The following KCNU1 variants were observed in gnomAD, a reference collection of about 807,000 sequenced individuals.
KCNU1 encodes potassium calcium-activated channel subfamily U member 1.
A neutral mutation model predicts 126.8 loss-of-function variants in KCNU1; 93 were observed. The ratio of observed to expected loss-of-function variants is 0.73; its 90% CI spans 0.62 to 0.87. KCNU1 has a LOEUF of 0.87. Ranked by LOEUF, KCNU1 falls within the 40% of genes least tolerant of loss-of-function variation. The probability of loss-of-function intolerance (pLI) is 0.00; values close to 1 mark genes in which losing one functional copy is unlikely to be tolerated. For missense variants in KCNU1, 1,330 were observed against 1,367.1 expected (o/e 0.97, Z 0.43); for synonymous variants, 523 against 494.2 (o/e 1.06, Z -0.77).
Position 36,836,824 on chromosome 8 carries a change from G to A in KCNU1, c.1397G>A (p.Trp466Ter). The change falls in exon 14 of 27, where the codon TGG (tryptophan) becomes TAG (stop). Residue 466 changes from tryptophan (W) to a stop codon, truncating the protein, a stop_gained. Coordinates refer to ENST00000399881, the MANE Select transcript of KCNU1 (RefSeq NM_001031836.3). LOFTEE classifies it high-confidence loss of function. Reference protein sequence around the residue: ...VYLPKIPSWNWDTGDNIICFA... With the variant: ...VYLPKIPSWN ...CTGCCAAAGATTCCCAGCTGGAACT[G>A]GGACACCGGAGACAACATCATCTGC... The A allele has an allele frequency of 6.2e-7, 1 of 1,613,756 alleles. No individual in the cohort carries two copies.
At chr8:36,935,455 G>T (rs1006517390) in intron 26 of KCNU1, 60 bp from the exon 27 acceptor site, 34 of 1,383,178 alleles carry the variant, frequency 2.5e-5, no homozygotes, top group Non-Finnish European at 2.9e-5. Context: ...TTGGGTCACT[G>T]CCTGTTGCCA....
intron 20 of KCNU1, among the ~76,000 whole-genome samples, chr8:36,907,680 A>G (rs761935573): frequency 2.6e-5 from 4 of 152,174 alleles, no homozygotes; most frequent in Non-Finnish European, 4.4e-5. Flanking sequence ...TTACTTATTT[A>G]TCCTGTTAGA....
At chr8:36,895,279 A>G (rs1034047233) in intron 19 of KCNU1, among the ~76,000 whole-genome samples, 1 of 151,978 alleles carries the variant, frequency 6.6e-6, no homozygotes, top group African/African-American at 2.4e-5. Flanking sequence ...GGGTTTCACC[A>G]TGTTGTCCAG....
chr8:36,827,872 A>G (rs559344567), intron 10 of KCNU1, among the ~76,000 whole-genome samples: 1 of 152,236 alleles, frequency 6.6e-6, no homozygotes, highest in East Asian at 1.9e-4. Context: ...CCATTGTACC[A>G]TTGTAGAGAC....
At chr8:36,882,393 A>C (rs1052132903) in intron 19 of KCNU1, among the ~76,000 whole-genome samples, 33 of 152,196 alleles carry the variant, frequency 2.2e-4, no homozygotes, top group Admixed American at 7.2e-4. Flanking sequence ...AATTTCAGAT[A>C]GTTGAGTTTA....
intron 19 of KCNU1, among the ~76,000 whole-genome samples, chr8:36,884,833 T>A (rs1347987015): frequency 1.3e-5 from 2 of 152,074 alleles, no homozygotes; most frequent in Non-Finnish European, 2.9e-5. Flanking sequence ...AGAAGCAGTC[T>A]TAGTGAATAA....
intron 19 of KCNU1, among the ~76,000 whole-genome samples, chr8:36,870,493 G>A (rs1466527510): frequency 1.3e-5 from 2 of 152,074 alleles, no homozygotes; most frequent in Non-Finnish European, 2.9e-5. Flanking sequence ...TCAGGCAAGA[G>A]AATCCCCATC....
intron 19 of KCNU1, among the ~76,000 whole-genome samples, chr8:36,889,458 G>A (rs145677826): frequency 3.4e-4 from 51 of 152,004 alleles, no homozygotes; most frequent in African/African-American, 1.1e-3. Context: ...TGGTGTGGAG[G>A]CATCACTTTT....
intron 19 of KCNU1, among the ~76,000 whole-genome samples, chr8:36,886,452 T>G (rs925913790): frequency 6.6e-6 from 1 of 152,172 alleles, no homozygotes; most frequent in East Asian, 1.9e-4. Flanking sequence ...GGTTACAGCC[T>G]GTAAGGTGGC....
At chr8:36,881,645 G>C (rs1806483108) in intron 19 of KCNU1, among the ~76,000 whole-genome samples, 1 of 152,134 alleles carries the variant, frequency 6.6e-6, no homozygotes, top group African/African-American at 2.4e-5. Flanking sequence ...TAGAGGAACA[G>C]AAAATAGACA....
chr8:36,803,853 T>G (rs1803399947), intron 2 of KCNU1, among the ~76,000 whole-genome samples, 174 bp from the exon 3 acceptor site: 1 of 152,094 alleles, frequency 6.6e-6, no homozygotes, highest in Non-Finnish European at 1.5e-5. Flanking sequence ...TCCAATCAAG[T>G]TGGACCTTGA....
intron 2 of KCNU1, among the ~76,000 whole-genome samples, chr8:36,796,758 T>G (rs890403407): frequency 6.6e-6 from 1 of 152,220 alleles, no homozygotes; most frequent in African/African-American, 2.4e-5. Context: ...TCTTTCTTTC[T>G]TATTTCTTCT....
chr8:36,893,187 T>A (rs955218908), intron 19 of KCNU1, among the ~76,000 whole-genome samples: 1 of 151,716 alleles, frequency 6.6e-6, no homozygotes, highest in Non-Finnish European at 1.5e-5. Flanking sequence ...TTGCCCAGGT[T>A]AGTCTTGAAC....
chr8:36,844,272 C>T (rs974226779), intron 16 of KCNU1, among the ~76,000 whole-genome samples: 7 of 151,700 alleles, frequency 4.6e-5, no homozygotes, highest in Non-Finnish European at 8.8e-5. Flanking sequence ...CCCAGCTACT[C>T]GGGAGGCTGA....
At chr8:36,794,604 C>G (rs1213720921) in intron 2 of KCNU1, among the ~76,000 whole-genome samples, 1 of 151,966 alleles carries the variant, frequency 6.6e-6, no homozygotes, top group East Asian at 1.9e-4. Context: ...TTTCTGGTAC[C>G]CAGACTGCTT....
In KCNU1 at chr8:36,866,138, C is replaced by T. The variant is rs116897083; in HGVS notation, c.2009+1617C>T. Among the ~76,000 whole-genome samples, 450 of 152,214 alleles carry T rather than the reference C, an allele frequency of 3.0e-3. 3 individuals are homozygous for T. The highest frequency in any genetic ancestry group is 0.027 in the East Asian group (141 of 5,180). ...GCTTATTATTGCAATGATCAATTCT[C>T]ATAGCGAGGAAGGTATTTAGAATTG... On this transcript the variant is annotated intron_variant, in intron 19 of 26. Coordinates refer to ENST00000399881, the MANE Select transcript of KCNU1 (RefSeq NM_001031836.3).
intron 19 of KCNU1, among the ~76,000 whole-genome samples, chr8:36,874,961 C>T (rs1449328739): frequency 6.6e-6 from 1 of 151,988 alleles, no homozygotes; most frequent in Non-Finnish European, 1.5e-5. Flanking sequence ...GGGTTCTAAG[C>T]CCACTTCCAA....
intron 19 of KCNU1, among the ~76,000 whole-genome samples, chr8:36,895,798 T>C (rs1365264932): frequency 1.3e-5 from 2 of 152,132 alleles, no homozygotes; most frequent in East Asian, 3.9e-4. Flanking sequence ...CTGAGAAGTT[T>C]CTACCTAAAC....
chr8:36,881,414 G>A (rs982544355), intron 19 of KCNU1, among the ~76,000 whole-genome samples: 1 of 152,010 alleles, frequency 6.6e-6, no homozygotes, highest in Non-Finnish European at 1.5e-5. Context: ...GGTAGGGATA[G>A]GGTCTCACTC....
Sources: gnomAD v4.1 joint callset for allele counts (sites outside exome capture counted in the v4.1 genomes callset) on GRCh38, gnomAD v4.1.1 for gene constraint, MANE v1.5 for transcripts, NCBI Gene and HGNC (gene_info 2026-07-23, HGNC 2026-07-21) for gene names.